Variants in ZNF469 observed in about 807,000 individuals in gnomAD.
The protein encoded by ZNF469 is zinc finger protein 469.
ZNF469 carries 1 observed loss-of-function variant against 1.0 expected under a neutral mutation model. That is an observed-to-expected ratio of 1.00 (90% CI 0.35 to 4.73). The LOEUF is 4.73. ZNF469 is among the 30% of genes most tolerant of loss of function. The pLI is 0.16. For missense variants in ZNF469, 6,100 were observed against 5,356.3 expected (o/e 1.14, Z -4.33); for synonymous variants, 2,703 against 2,363.4 (o/e 1.14, Z -4.17).
the ZNF469 span, among the ~76,000 whole-genome samples, chr16:88,305,284 G>GCA: frequency 2.6e-4 from 30 of 116,452 alleles, no homozygotes; most frequent in African/African-American, 7.2e-4. Context: ...ATGCTCTCAG[G>GCA]CACACACACA....
chr16:88,148,658 G>A, the ZNF469 span, among the ~76,000 whole-genome samples: 4 of 152,246 alleles, frequency 2.6e-5, no homozygotes, highest in African/African-American at 7.2e-5. Flanking sequence ...CAGTGGATCC[G>A]GGCCTTGGAT....
At chr16:88,350,045 G>C in the ZNF469 span, among the ~76,000 whole-genome samples, 1 of 152,024 alleles carries the variant, frequency 6.6e-6, no homozygotes, top group African/African-American at 2.4e-5. Context: ...ATCACACACA[G>C]ACACCCCCAG....
At chr16:88,256,248 T>C in the ZNF469 span, among the ~76,000 whole-genome samples, 2 of 152,232 alleles carry the variant, frequency 1.3e-5, no homozygotes, top group Non-Finnish European at 2.9e-5. Flanking sequence ...CACTCATCTT[T>C]TGATGGCTCT....
At chr16:88,358,188 C>T in the ZNF469 span, among the ~76,000 whole-genome samples, 1 of 152,218 alleles carries the variant, frequency 6.6e-6, no homozygotes, top group Non-Finnish European at 1.5e-5. Flanking sequence ...AGAACAGAGG[C>T]GGGCATTGTG....
the ZNF469 span, among the ~76,000 whole-genome samples, chr16:88,292,623 T>A: frequency 7.9e-5 from 12 of 151,886 alleles, no homozygotes; most frequent in Non-Finnish European, 1.2e-4. Flanking sequence ...AGCTGGAATC[T>A]TCTGGGGTGA....
chr16:88,422,917 T>C (rs1270354077), intron 1 of ZNF469, among the ~76,000 whole-genome samples: 8 of 143,174 alleles, frequency 5.6e-5, no homozygotes, highest in Non-Finnish European at 7.6e-5. Flanking sequence ...GACGGATGGG[T>C]GGATGGGTGA....
intron 1 of ZNF469, among the ~76,000 whole-genome samples, chr16:88,417,819 C>T (rs1597200563): frequency 6.6e-6 from 1 of 152,232 alleles, no homozygotes; most frequent in Non-Finnish European, 1.5e-5. Context: ...CCCAAAGCCC[C>T]CCATGGCCTG....
the ZNF469 span, among the ~76,000 whole-genome samples, chr16:88,214,438 T>C: frequency 1.1e-4 from 16 of 151,456 alleles, no homozygotes; most frequent in Non-Finnish European, 1.9e-4. Context: ...ACTCTGATTG[T>C]AGATTTGTCT....
chr16:88,164,048 A>T, the ZNF469 span, among the ~76,000 whole-genome samples: 3 of 143,446 alleles, frequency 2.1e-5, no homozygotes, highest in Non-Finnish European at 4.6e-5. Context: ...TGAATGGATA[A>T]GTGGGTGGAT....
At chr16:88,225,009 C>T in the ZNF469 span, among the ~76,000 whole-genome samples, 2 of 152,220 alleles carry the variant, frequency 1.3e-5, no homozygotes, top group Non-Finnish European at 2.9e-5. Flanking sequence ...CCGCCTCTGA[C>T]CATGCAGGAT....
At chr16:88,138,130 A>G in the ZNF469 span, among the ~76,000 whole-genome samples, 3 of 152,206 alleles carry the variant, frequency 2.0e-5, no homozygotes, top group African/African-American at 7.2e-5. Flanking sequence ...TGTTGAAACT[A>G]TCACATTCTA....
the ZNF469 span, among the ~76,000 whole-genome samples, chr16:88,270,943 C>A: frequency 3.9e-5 from 6 of 152,260 alleles, no homozygotes; most frequent in African/African-American, 7.2e-5. Flanking sequence ...TGGGTCCCCC[C>A]TCTCGGGGCT....
the ZNF469 span, among the ~76,000 whole-genome samples, chr16:88,171,132 G>C: frequency 6.6e-6 from 1 of 152,234 alleles, no homozygotes; most frequent in African/African-American, 2.4e-5. Flanking sequence ...TAGGCATTTA[G>C]CAAGGTAGGC....
chr16:88,106,809 G>C, the ZNF469 span, among the ~76,000 whole-genome samples: 1 of 152,264 alleles, frequency 6.6e-6, no homozygotes, highest in Admixed American at 6.5e-5. Context: ...TGCCATTGCC[G>C]CACAGGCCAG....
At chr16:88,246,107 C>G in the ZNF469 span, among the ~76,000 whole-genome samples, 1 of 152,270 alleles carries the variant, frequency 6.6e-6, no homozygotes, top group Non-Finnish European at 1.5e-5. Context: ...CCTGGAGGGC[C>G]TCATTCATTT....
At chr16:88,244,237 G>T in the ZNF469 span, among the ~76,000 whole-genome samples, 1 of 146,948 alleles carries the variant, frequency 6.8e-6, no homozygotes, top group Non-Finnish European at 1.5e-5. Flanking sequence ...GGGTGGGTGG[G>T]GGTTTGGGAG....
the ZNF469 span, among the ~76,000 whole-genome samples, chr16:88,204,989 T>A: frequency 6.6e-6 from 1 of 152,164 alleles, no homozygotes; most frequent in South Asian, 2.1e-4. Flanking sequence ...GGATTTATAA[T>A]GTAAAAATCA....
At chr16:88,243,048 C>A in the ZNF469 span, among the ~76,000 whole-genome samples, 5 of 152,300 alleles carry the variant, frequency 3.3e-5, no homozygotes, top group South Asian at 8.3e-4. Context: ...CACTGCTGGC[C>A]AGCCCGGGTA....
At chr16:88,103,971 G>A in the ZNF469 span, among the ~76,000 whole-genome samples, 1 of 152,120 alleles carries the variant, frequency 6.6e-6, no homozygotes. Context: ...GTCACTCTTA[G>A]CTGCAGTGCG....
Sources: allele counts gnomAD v4.1 joint callset (sites outside exome capture counted in the v4.1 genomes callset), GRCh38; gene constraint gnomAD v4.1.1; transcripts MANE v1.5; gene names NCBI Gene and HGNC (gene_info 2026-07-23, HGNC 2026-07-21).